Variants in CHGA observed in about 807,000 individuals in gnomAD.
CHGA encodes chromogranin-A.
CHGA carries 41 observed loss-of-function variants against 54.4 expected under a neutral mutation model. The observed-to-expected ratio is 0.75, with a 90% CI of 0.59 to 0.98. The LOEUF is 0.98. CHGA is among the 50% of genes least tolerant of loss of function. The pLI is 0.00. For synonymous variants in CHGA, 249 were observed against 232.8 expected (o/e 1.07, Z -0.63); for missense variants, 576 against 582.3 (o/e 0.99, Z 0.11).
intron 1 of CHGA, among the ~76,000 whole-genome samples, chr14:92,923,720 G>A (rs935288885): frequency 1.3e-5 from 2 of 152,220 alleles, no homozygotes; most frequent in Non-Finnish European, 2.9e-5. Flanking sequence ...GGTCACTGCG[G>A]GGAGGTGGGA....
chr14:92,934,699 A>T, intron 7 of CHGA, 102 bp from the exon 8 acceptor site: 1 of 796,068 alleles, frequency 1.3e-6, no homozygotes, highest in Non-Finnish European at 2.1e-6. Flanking sequence ...AGACAAAGCC[A>T]CCTGTCCGAG....
At chr14:92,927,921 G>A (rs1034203477) in intron 4 of CHGA, among the ~76,000 whole-genome samples, 1 of 152,198 alleles carries the variant, frequency 6.6e-6, no homozygotes. Context: ...CCTTTATGAA[G>A]TAGTGAGCCA....
Position 92,931,559 on chromosome 14 carries a change from G to C in CHGA, c.665G>C (p.Gly222Ala), listed in dbSNP as rs757338290. Residue 222 changes from glycine to alanine, a missense_variant, in exon 6 of 8, where the codon GGG becomes GCG. By Grantham distance (60) the Gly-to-Ala change is moderately conservative. Transcript: ENST00000216492. ...DREKGLSAEP[G>A]WQAKREEEEE... The stretch of plus-strand genomic sequence containing the variant: ...GAGAAGGGCCTGAGTGCAGAGCCAG[G>C]GTGGCAGGCAAAGAGAGAAGAGGAG... 6.2e-7 allele frequency: 1 copy of C among 1,612,952 alleles called. No homozygotes were observed. The highest frequency in any genetic ancestry group is 8.5e-7 in the Non-Finnish European group (1 of 1,179,822).
In CHGA at chr14:92,926,646, C is replaced by T. The variant is rs762095910; in HGVS notation, c.135C>T (p.Ser45=). The T allele has an allele frequency of 1.9e-6, 3 of 1,613,914 alleles. No individual in the cohort carries two copies. The highest frequency in any genetic ancestry group is 2.5e-6 in the Non-Finnish European group (3 of 1,180,022). The change falls in exon 3 of 8, where the codon TCC becomes TCT. Residue 45 remains serine, a synonymous_variant. Transcript: ENST00000216492. ...TTGAGGTCATCTCCGACACACTTTC[C>T]AAGCCCAGCCCCATGCCTGTCAGCC... ...CIVEVISDTL[S]KPSPMPVSQE... is the part of the protein sequence containing the mutation.
intron 5 of CHGA, among the ~76,000 whole-genome samples, chr14:92,930,825 A>G (rs780909845): frequency 6.6e-6 from 1 of 152,234 alleles, no homozygotes; most frequent in Admixed American, 6.5e-5. Flanking sequence ...AAACCCTAAA[A>G]TATTGCAGAA....
Position 92,927,611 on chromosome 14 carries a change from T to C in CHGA, c.249T>C (p.Ala83=), listed in dbSNP as rs1886912978. The change falls in exon 4 of 8, where the codon GCT becomes GCC. Residue 83 remains alanine (A), a synonymous_variant. Transcript: ENST00000216492. ...TACTGAAGGAGCTCCAAGACCTCGC[T>C]CTCCAAGGTATTTTCCAGCCACTGC... The part of the protein sequence containing the change: ...QNLLKELQDL[A]LQGAKERAHQ... 1 of 1,613,132 alleles carries C rather than the reference T, an allele frequency of 6.2e-7. No homozygotes were observed. Among genetic ancestry groups the C allele is most frequent in the Non-Finnish European group, 8.5e-7 (1 of 1,179,552 alleles).
intron 7 of CHGA, among the ~76,000 whole-genome samples, chr14:92,934,447 G>A (rs1595063355): frequency 6.6e-6 from 1 of 152,120 alleles, no homozygotes; most frequent in South Asian, 2.1e-4. Context: ...TGGCAACCAT[G>A]GGCTAGGCCG....
In CHGA at chr14:92,932,912, C is replaced by T; in HGVS notation, c.1290+61C>T. 1 of 1,448,184 alleles carries T rather than the reference C, an allele frequency of 6.9e-7. No homozygotes were observed. Among genetic ancestry groups the T allele is most frequent in the South Asian group, 1.5e-5 (1 of 67,154 alleles). 89.7% of individuals were successfully genotyped at this position (1,448,184 alleles called of 1,614,324 possible). On this transcript the variant is annotated intron_variant, in intron 7 of 7. Transcript: ENST00000216492. This position sits in a 1 kb window ranked among gnomAD's most constrained non-coding sequence, Gnocchi z 5.3. ...CACGGAGCAGCAGGGGGCAGCCGCA[C>T]CCAGACACACTGCCCCTGCCCCACT...
chr14:92,933,522 G>T lies in CHGA; in HGVS notation c.1290+671G>T, dbSNP rs557193972. ...GGGGACACAGCCCACAGGAGCAGGG[G>T]GGAGTTGGGGTCCCTGGCAGCTAGG... On this transcript the variant is annotated intron_variant, in intron 7 of 7. Coordinates refer to ENST00000216492, the MANE Select transcript of CHGA (RefSeq NM_001275.4). Among the ~76,000 whole-genome samples the T allele has an allele frequency of 3.3e-5, 5 of 152,298 alleles. No individual in the cohort carries two copies. In the South Asian group the frequency reaches 1.0e-3, roughly 32 times the overall value.
At chr14:92,930,054 C>T (rs1323200029) in intron 5 of CHGA, among the ~76,000 whole-genome samples, 1 of 152,248 alleles carries the variant, frequency 6.6e-6, no homozygotes, top group Non-Finnish European at 1.5e-5. Context: ...TCGGTCCCGT[C>T]TGCCCAGAAG....
rs1194219757 is a variant in CHGA, at chr14:92,934,869, A to G, written c.1359A>G (p.Ala453=). ...ELEKVAHQLQ[A]LRRG is the part of the protein sequence containing the mutation. ...AGAAAGTGGCCCACCAGCTGCAGGC[A>G]CTACGGCGGGGCTGAGACACCGGCT... is the stretch of plus-strand genomic sequence containing the variant. Residue 453 remains alanine, a synonymous_variant, in exon 8 of 8, where the codon GCA becomes GCG. Coordinates refer to ENST00000216492, the MANE Select transcript of CHGA (RefSeq NM_001275.4). The G allele has an allele frequency of 6.3e-7, 1 of 1,576,522 alleles. No individual in the cohort carries two copies. Among genetic ancestry groups the G allele is most frequent in the African/African-American group, 1.4e-5 (1 of 73,980 alleles).
In CHGA at chr14:92,932,184, C is replaced by T. The variant is rs538683448; in HGVS notation, c.809-186C>T. 1.5e-4 allele frequency: 115 copies of T among 751,774 alleles called. 3 individuals carry two copies. The South Asian group carries it at 2.3e-3, about 15-fold the overall frequency. The allele number at this position is 751,774 out of a possible 1,614,324, so 46.6% of individuals were successfully genotyped here. A position where few individuals can be genotyped will look rare whatever the true frequency, so the allele number is the denominator to read the frequency against. ...GATGAGGGGAAGAGGCAGGCTCCAGCTAACCCACCCCTCTGAGCCGAGAGG... is the reference window on the plus strand; with the variant it reads ...GATGAGGGGAAGAGGCAGGCTCCAGTTAACCCACCCCTCTGAGCCGAGAGG... On this transcript the variant is annotated intron_variant, in intron 6 of 7. Coordinates refer to ENST00000216492, the MANE Select transcript of CHGA (RefSeq NM_001275.4). The surrounding 1 kb of genome is among the most constrained non-coding windows in gnomAD (Gnocchi z 5.3).
Position 92,932,975 on chromosome 14 carries a change from A to G in CHGA, c.1290+124A>G, listed in dbSNP as rs1298434440. 5 of 1,363,154 alleles carry G rather than the reference A, an allele frequency of 3.7e-6. No individual in the cohort carries two copies. The African/African-American group carries it at 7.3e-5, about 20-fold the overall frequency. The allele number at this position is 1,363,154 out of a possible 1,614,324, so 84.4% of individuals were successfully genotyped here. A position where few individuals can be genotyped will look rare whatever the true frequency, so the allele number is the denominator to read the frequency against. Reference sequence around the variant, plus strand: ...CCCCCCCGCCGAAGTCTGGGGATGGAGAGATGCTCAGACCGGGGGCTCTCA... The same window carrying G: ...CCCCCCCGCCGAAGTCTGGGGATGGGGAGATGCTCAGACCGGGGGCTCTCA... On this transcript the variant is annotated intron_variant, in intron 7 of 7. Coordinates refer to ENST00000216492, the MANE Select transcript of CHGA (RefSeq NM_001275.4). This position sits in a 1 kb window ranked among gnomAD's most constrained non-coding sequence, Gnocchi z 5.3.
At chr14:92,924,344 G>A in intron 2 of CHGA, 99 bp downstream of exon 2, 1 of 1,202,864 alleles carries the variant, frequency 8.3e-7, no homozygotes, top group Non-Finnish European at 1.2e-6. Flanking sequence ...ATAAAGCCAA[G>A]AGCCAGCACT....
intron 7 of CHGA, 30 bp from the exon 8 acceptor site, chr14:92,934,771 G>T: frequency 6.5e-7 from 1 of 1,542,706 alleles, no homozygotes; most frequent in Non-Finnish European, 8.8e-7. Flanking sequence ...TGGCCAGGCT[G>T]GCCCGAGTGA....
Position 92,929,736 on chromosome 14 carries a change from T to A in CHGA, c.276T>A (p.His92Gln). The A allele has an allele frequency of 3.1e-6, 5 of 1,613,936 alleles. No homozygotes were observed. Among genetic ancestry groups the A allele is most frequent in the Non-Finnish European group, 4.2e-6 (5 of 1,180,010 alleles). ...LALQGAKERAHQQKKHSGFED... is the reference protein window; with the variant it reads ...LALQGAKERAQQQKKHSGFED... ...TACCAGGCGCCAAGGAGAGGGCACATCAGCAGAAGAAACACAGCGGTTTTG... is the reference window on the plus strand; with the variant it reads ...TACCAGGCGCCAAGGAGAGGGCACAACAGCAGAAGAAACACAGCGGTTTTG... Residue 92 changes from histidine to glutamine, a missense_variant, in exon 5 of 8, where the codon CAT becomes CAA. By Grantham distance (24) the His-to-Gln change is conservative (BLOSUM62 0). Transcript: ENST00000216492.
intron 2 of CHGA, among the ~76,000 whole-genome samples, chr14:92,925,558 G>A (rs1260580800): frequency 6.6e-6 from 1 of 152,140 alleles, no homozygotes; most frequent in African/African-American, 2.4e-5. Flanking sequence ...TGCCATCTTG[G>A]ATCCTTGGAC....
rs1887094891 is a variant in CHGA, at chr14:92,935,022, C to G, written c.*138C>G. 1.5e-6 allele frequency: 1 copy of G among 653,052 alleles called. No individual in the cohort carries two copies. The highest frequency in any genetic ancestry group is 3.5e-5 in the Admixed American group (1 of 28,662). 40.5% of individuals were successfully genotyped at this position (653,052 alleles called of 1,614,324 possible). ...CCAGCCTGCCCAAGCCCAGGCCACC[C>G]TATCGCCCCCTACGCGCCTTGTCTC... On this transcript the variant is annotated 3_prime_UTR_variant, in exon 8 of 8. Transcript: ENST00000216492.
chr14:92,926,972 A>C (rs1453287559), intron 3 of CHGA, among the ~76,000 whole-genome samples: 2 of 152,210 alleles, frequency 1.3e-5, no homozygotes, highest in Non-Finnish European at 2.9e-5. Context: ...AAGCCCCCAG[A>C]CTGTGAGCTC....
Sources: allele counts gnomAD v4.1 joint callset (sites outside exome capture counted in the v4.1 genomes callset), GRCh38; gene constraint gnomAD v4.1.1; non-coding constraint Gnocchi (gnomAD v3.1); transcripts MANE v1.5; gene names NCBI Gene and HGNC (gene_info 2026-07-23, HGNC 2026-07-21).